The following SKP2 variants were observed in gnomAD, a reference collection of about 807,000 sequenced individuals.
The protein encoded by SKP2 is S-phase kinase associated protein 2, also known as S-phase kinase-associated protein 2.
In SKP2, 16 loss-of-function variants were observed where a neutral mutation model predicts 51.8. The ratio of observed to expected loss-of-function variants is 0.31; its 90% CI spans 0.21 to 0.47. SKP2 has a LOEUF of 0.47. Ranked by LOEUF, SKP2 falls within the 20% of genes least tolerant of loss-of-function variation. The pLI is 1.00. For synonymous variants in SKP2, 176 were observed against 198.6 expected (o/e 0.89, Z 0.96); for missense variants, 377 against 505.3 (o/e 0.75, Z 2.43).
rs551539437 is a variant in SKP2, at chr5:36,183,402, G to A, written c.*1371G>A. ...CTGCCTCAGCCTCCCGACTAGCTGG[G>A]ACTACAGGCGCCCACCACCACGCCC... On this transcript the variant is annotated 3_prime_UTR_variant, in exon 10 of 10. Transcript: ENST00000274255. 850 of 235,872 alleles carry A rather than the reference G, an allele frequency of 3.6e-3. 9 individuals carry two copies. The highest frequency in any genetic ancestry group is 0.011 in the Middle Eastern group (5 of 452). The allele number at this position is 235,872 out of a possible 1,614,324, so 14.6% of individuals were successfully genotyped here.
At chr5:36,162,048 A>G (rs2111964635) in intron 2 of SKP2, among the ~76,000 whole-genome samples, 1 of 152,350 alleles carries the variant, frequency 6.6e-6, no homozygotes, top group South Asian at 2.1e-4. Flanking sequence ...GATTGCTTCT[A>G]TGAAAGAAAA....
At chr5:36,173,089 G>A (rs554385135) in intron 7 of SKP2, among the ~76,000 whole-genome samples, 9 of 150,880 alleles carry the variant, frequency 6.0e-5, no homozygotes, top group East Asian at 5.8e-4. Context: ...TAAATACTTC[G>A]TAATATGCTT....
chr5:36,163,974 C>T (rs1431261527), intron 3 of SKP2, among the ~76,000 whole-genome samples: 1 of 152,232 alleles, frequency 6.6e-6, no homozygotes, highest in Non-Finnish European at 1.5e-5. Context: ...ACCTCTTTGC[C>T]CTGTATTCAG....
At chr5:36,170,474 C>A (rs1302252008) in intron 6 of SKP2, 32 bp downstream of exon 6, 2 of 1,281,104 alleles carry the variant, frequency 1.6e-6, no homozygotes, top group African/African-American at 1.5e-5. Context: ...ATTATAGACT[C>A]TTATGTCAAA....
downstream of SKP2, among the ~76,000 whole-genome samples, chr5:36,185,123 A>G (rs1425096507): frequency 1.3e-5 from 2 of 151,834 alleles, no homozygotes; most frequent in African/African-American, 2.4e-5. Context: ...TTTTTCTTGT[A>G]AATTTGTTTG....
In SKP2 at chr5:36,153,014, G is replaced by T; in HGVS notation, c.252G>T (p.Arg84Ser). ...GSDKDFVIVR[R>S]PKLNRENFPG... ...ACAAAGACTTTGTGATTGTCCGCAGGCCTAAGCTAAATCGAGAGAACTTTC... is the reference window on the plus strand; with the variant it reads ...ACAAAGACTTTGTGATTGTCCGCAGTCCTAAGCTAAATCGAGAGAACTTTC... The change falls in exon 2 of 10, where the codon AGG becomes AGT. Residue 84 changes from arginine (R) to serine (S), a missense_variant. By Grantham distance (110) the Arg-to-Ser change is moderately radical (BLOSUM62 -1). This residue lies in a region of SKP2 where 115 missense variants were observed against 115.5 expected (regional missense o/e 1.00). Transcript: ENST00000274255. 6.2e-7 allele frequency: 1 copy of T among 1,614,138 alleles called. No homozygotes were observed. The highest frequency in any genetic ancestry group is 8.5e-7 in the Non-Finnish European group (1 of 1,180,008).
chr5:36,176,758 C>A (rs557350694), intron 7 of SKP2, among the ~76,000 whole-genome samples: 1 of 151,886 alleles, frequency 6.6e-6, no homozygotes, highest in East Asian at 1.9e-4. Flanking sequence ...TCATTTTACA[C>A]AGTTTTCTTT....
In SKP2 at chr5:36,183,794, T is replaced by C; in HGVS notation, c.*1763T>C. ...AGGAAATGATGATGCTTCAATTTCT[T>C]AATAGTTAAAAAGTGCTAAATACTA... is the stretch of plus-strand genomic sequence containing the variant. On this transcript the variant is annotated 3_prime_UTR_variant, in exon 10 of 10. Transcript: ENST00000274255. 1.3e-6 allele frequency: 2 copies of C among 1,507,344 alleles called. No homozygotes were observed. Among genetic ancestry groups the C allele is most frequent in the African/African-American group, 1.4e-5 (1 of 70,788 alleles). The allele number at this position is 1,507,344 out of a possible 1,614,324, so 93.4% of individuals were successfully genotyped here.
At chr5:36,160,949 G>T (rs1489079085) in intron 2 of SKP2, among the ~76,000 whole-genome samples, 2 of 152,064 alleles carry the variant, frequency 1.3e-5, no homozygotes, top group Admixed American at 1.3e-4. Context: ...CCCCTGAAGG[G>T]CGTGAGGCTA....
rs192880034 is a variant in SKP2 at position 36,162,664 on chromosome 5, G to A, written c.281-981G>A. 3.4e-3 allele frequency among the ~76,000 whole-genome samples: 518 copies of A among 152,270 alleles called. 6 individuals are homozygous for A. Among genetic ancestry groups the A allele is most frequent in the Non-Finnish European group, 1.9e-3 (132 of 68,022 alleles). The stretch of plus-strand genomic sequence containing the variant: ...AGTAGGAGCTCAGTAAATATTTGTT[G>A]AATTAAGAAATGACAATACCCTTTT... On this transcript the variant is annotated intron_variant, in intron 2 of 9. Coordinates refer to ENST00000274255, the MANE Select transcript of SKP2 (RefSeq NM_005983.4).
At chr5:36,153,728 T>C (rs1744841169) in intron 2 of SKP2, among the ~76,000 whole-genome samples, 1 of 152,146 alleles carries the variant, frequency 6.6e-6, no homozygotes, top group Non-Finnish European at 1.5e-5. Flanking sequence ...AACCTTCTTC[T>C]CCCCAGATCT....
intron 2 of SKP2, among the ~76,000 whole-genome samples, chr5:36,162,752 C>T (rs1439994657): frequency 2.6e-5 from 4 of 152,106 alleles, no homozygotes; most frequent in Non-Finnish European, 5.9e-5. Context: ...TTAGTCTGTT[C>T]TCATGTTGTT....
At chr5:36,152,613 G>C (rs910145216) in intron 1 of SKP2, among the ~76,000 whole-genome samples, 158 bp from the exon 2 acceptor site, 1 of 152,064 alleles carries the variant, frequency 6.6e-6, no homozygotes, top group African/African-American at 2.4e-5. Flanking sequence ...TCATTTCTTC[G>C]TTTTCTTGGT....
At chr5:36,189,569 G>A (rs181287066) in intron 6 of SKP2, among the ~76,000 whole-genome samples, 24 of 152,328 alleles carry the variant, frequency 1.6e-4, no homozygotes, top group East Asian at 1.4e-3. Flanking sequence ...CTGACTGACC[G>A]TTCCTCTGGA....
chr5:36,161,154 A>G (rs1365112636), intron 2 of SKP2, among the ~76,000 whole-genome samples: 1 of 152,128 alleles, frequency 6.6e-6, no homozygotes, highest in Non-Finnish European at 1.5e-5. Flanking sequence ...TGAGCAGAAT[A>G]AGGGTCAGGA....
rs756214750 is a variant in SKP2 at position 36,192,643 on chromosome 5, AG to A, written c.657del (p.Ser220ValfsTer15). 3.3e-5 allele frequency: 5 copies of A among 152,196 alleles called. No individual in the cohort carries two copies. Among genetic ancestry groups the A allele is most frequent in the African/African-American group, 4.8e-5 (2 of 41,444 alleles). 9.4% of individuals were successfully genotyped at this position (152,196 alleles called of 1,614,324 possible). A position where few individuals can be genotyped will look rare whatever the true frequency, so the allele number is the denominator to read the frequency against. On this transcript the variant is annotated frameshift_variant, in exon 7 of 8. Transcript: ENST00000677886. LOFTEE classifies it high-confidence loss of function. ...CAGGGGCCATGAATGTAAATGCACAAGGAGTATCAAAAATATTAAGTCAAAA... is the reference window on the plus strand; with the variant it reads ...CAGGGGCCATGAATGTAAATGCACAAGAGTATCAAAAATATTAAGTCAAAA...
At chr5:36,167,722 G>A (rs1289085918) in intron 4 of SKP2, among the ~76,000 whole-genome samples, 1 of 152,070 alleles carries the variant, frequency 6.6e-6, no homozygotes, top group Non-Finnish European at 1.5e-5. Flanking sequence ...CCAGGTTCAA[G>A]CAATTCTGCC....
chr5:36,188,561 A>G (rs1579583939), downstream of SKP2, among the ~76,000 whole-genome samples: 2 of 152,042 alleles, frequency 1.3e-5, no homozygotes, highest in Non-Finnish European at 2.9e-5. Context: ...ATTGGCCCCC[A>G]CTCTCTTCTG....
At chr5:36,168,173 C>A in intron 4 of SKP2, 140 bp from the exon 5 acceptor site, 2 of 744,048 alleles carry the variant, frequency 2.7e-6, no homozygotes, top group South Asian at 3.7e-5. Context: ...GTTTTATGAC[C>A]CTATAGTTAA....
Sources: allele counts gnomAD v4.1 joint callset (sites outside exome capture counted in the v4.1 genomes callset), GRCh38; gene constraint gnomAD v4.1.1; regional missense constraint gnomAD v4.1.1; transcripts MANE v1.5; gene names NCBI Gene and HGNC (gene_info 2026-07-23, HGNC 2026-07-21).